DENND5B: variants seen among roughly 807,000 people sequenced by gnomAD.
DENND5B encodes the protein DENN domain-containing protein 5B.
A neutral mutation model predicts 140.6 loss-of-function variants in DENND5B; 34 were observed. That is an observed-to-expected ratio of 0.24 (90% CI 0.18 to 0.32). The LOEUF (loss-of-function observed/expected upper bound fraction) is 0.32. Ranked by LOEUF, DENND5B falls within the 10% of genes least tolerant of loss-of-function variation. DENND5B has a pLI of 1.00. For synonymous variants in DENND5B, 551 were observed against 562.1 expected (o/e 0.98, Z 0.28); for missense variants, 1,142 against 1,560.2 (o/e 0.73, Z 4.52).
chr12:31,546,393 A>G (rs1734113656), intron 1 of DENND5B, among the ~76,000 whole-genome samples: 1 of 152,058 alleles, frequency 6.6e-6, no homozygotes, highest in Non-Finnish European at 1.5e-5. Flanking sequence ...GTGGGAATAA[A>G]GTTTTTATTT....
chr12:31,447,734 C>G lies in DENND5B; in HGVS notation c.1665G>C (p.Leu555=), dbSNP rs1474061340. ...TTTCAATGAAGCGTGAAAGAAATGG[C>G]AGGTAAGGCTCAGGCTGGTCAGACA... ...SFLSDQPEPY[L]PFLSRFIETQ... The change falls in exon 6 of 21, where the codon CTG becomes CTC. Residue 555 remains leucine (L), a synonymous_variant. Coordinates refer to ENST00000389082, the MANE Select transcript of DENND5B (RefSeq NM_144973.4). 3 of 1,607,048 alleles carry G rather than the reference C, an allele frequency of 1.9e-6. No individual in the cohort carries two copies. The highest frequency in any genetic ancestry group is 2.5e-6 in the Non-Finnish European group (3 of 1,176,540).
At chr12:31,566,338 C>CTCTGTG (rs1555174667) in intron 1 of DENND5B, among the ~76,000 whole-genome samples, 1 of 148,496 alleles carries the variant, frequency 6.7e-6, no homozygotes, top group African/African-American at 2.5e-5. Context: ...CTCTTAAAAA[C>CTCTGTG]TGTGTGTGTG....
chr12:31,448,897 C>T (rs1295958736), intron 5 of DENND5B, among the ~76,000 whole-genome samples: 1 of 152,178 alleles, frequency 6.6e-6, no homozygotes, highest in Non-Finnish European at 1.5e-5. Context: ...CCATCAGAAG[C>T]AAGCCTTTGG....
chr12:31,392,504 T>A (rs1593039738), intron 18 of DENND5B, 110 bp downstream of exon 18: 2 of 1,542,760 alleles, frequency 1.3e-6, no homozygotes, highest in East Asian at 4.6e-5. Flanking sequence ...TTTTTACAGC[T>A]ACCAGAAAGC....
At chr12:31,461,629 G>A (rs1591835128) in intron 3 of DENND5B, among the ~76,000 whole-genome samples, 2 of 152,262 alleles carry the variant, frequency 1.3e-5, no homozygotes, top group East Asian at 1.9e-4. Context: ...TATTTCTGCA[G>A]CAAACCATAT....
rs376190648 is a variant in DENND5B at position 31,387,373 on chromosome 12, T to C, written c.*230A>G. 58 of 395,916 alleles carry C rather than the reference T, an allele frequency of 1.5e-4. 1 individual carries two copies. Among genetic ancestry groups the C allele is most frequent in the East Asian group, 1.0e-3 (27 of 26,124 alleles). 24.5% of individuals were successfully genotyped at this position (395,916 alleles called of 1,614,324 possible). A position where few individuals can be genotyped will look rare whatever the true frequency, so the allele number is the denominator to read the frequency against. On this transcript the variant is annotated 3_prime_UTR_variant, in exon 21 of 21. Coordinates refer to ENST00000389082, the MANE Select transcript of DENND5B (RefSeq NM_144973.4). ...GAGTAATATAATTTCTTAAAGAAGA[T>C]AGCATATTTACACACATCTAACACA...
intron 11 of DENND5B, among the ~76,000 whole-genome samples, chr12:31,422,876 C>G (rs1943088999): frequency 6.6e-6 from 1 of 151,952 alleles, no homozygotes; most frequent in African/African-American, 2.4e-5. Flanking sequence ...AGATTCAACT[C>G]CTGAAATTTT....
chr12:31,566,601 T>C (rs1405969606), intron 1 of DENND5B, among the ~76,000 whole-genome samples: 1 of 152,000 alleles, frequency 6.6e-6, no homozygotes, highest in African/African-American at 2.4e-5. Flanking sequence ...GGACCAGGTA[T>C]CTACAATAAT....
chr12:31,479,282 T>C (rs924488546), intron 3 of DENND5B, among the ~76,000 whole-genome samples: 1 of 152,132 alleles, frequency 6.6e-6, no homozygotes, highest in Admixed American at 6.6e-5. Context: ...GAAGAAAAAA[T>C]GTTTTCTTAA....
In DENND5B at chr12:31,591,023, TCGCGCGCGGC is replaced by T; in HGVS notation, c.-201_-192del. 1.9e-6 allele frequency: 1 copy of T among 517,124 alleles called. No individual in the cohort carries two copies. The highest frequency in any genetic ancestry group is 2.5e-6 in the Non-Finnish European group (1 of 401,494). The allele number at this position is 517,124 out of a possible 1,614,324, so 32.0% of individuals were successfully genotyped here. On this transcript the variant is annotated 5_prime_UTR_variant, in exon 1 of 21. Transcript: ENST00000389082. ...CGGCGCGGGGGAAGCGGCCGCGGGC[TCGCGCGCGGC>T]GGGTCCGGAGCCCGGCCGGGTGGGG... is the stretch of plus-strand genomic sequence containing the variant.
chr12:31,505,376 C>G lies in DENND5B; in HGVS notation c.128-9457G>C, dbSNP rs113958194. Among the ~76,000 whole-genome samples, 177 of 151,758 alleles carry G rather than the reference C, an allele frequency of 1.2e-3. 2 individuals carry two copies. Among genetic ancestry groups the G allele is most frequent in the African/African-American group, 4.2e-3 (175 of 41,340 alleles). On this transcript the variant is annotated intron_variant, in intron 1 of 20. Coordinates refer to ENST00000389082, the MANE Select transcript of DENND5B (RefSeq NM_144973.4). The stretch of plus-strand genomic sequence containing the variant: ...GCCTCAGCCTCCCAAGTAGCTGGGA[C>G]TACAGGTGTGCTACCATGCCCAGCT...
At chr12:31,555,516 G>C (rs1949247926) in intron 1 of DENND5B, among the ~76,000 whole-genome samples, 1 of 151,952 alleles carries the variant, frequency 6.6e-6, no homozygotes. Context: ...CCCACTTGAG[G>C]AGGCAGTCTG....
chr12:31,491,578 T>C (rs554068071), intron 2 of DENND5B, among the ~76,000 whole-genome samples: 30 of 152,114 alleles, frequency 2.0e-4, no homozygotes, highest in African/African-American at 5.1e-4. Flanking sequence ...GGAAAGGAAA[T>C]GTAGAGCTCT....
chr12:31,451,600 G>C, intron 5 of DENND5B: 1 of 264,292 alleles, frequency 3.8e-6, no homozygotes. Flanking sequence ...TGGGATTACA[G>C]GCATGAGCCA....
chr12:31,577,704 C>G (rs1260051517), intron 1 of DENND5B, among the ~76,000 whole-genome samples: 1 of 93,876 alleles, frequency 1.1e-5, no homozygotes, highest in African/African-American at 4.9e-5. Context: ...GAACGAGACT[C>G]TGTCTCAAAA....
At chr12:31,557,184 T>C (rs942128111) in intron 1 of DENND5B, among the ~76,000 whole-genome samples, 1 of 152,060 alleles carries the variant, frequency 6.6e-6, no homozygotes, top group Non-Finnish European at 1.5e-5. Flanking sequence ...AATATTAAAA[T>C]CAAACAATAT....
At chr12:31,412,249 C>T (rs533025676) in intron 13 of DENND5B, among the ~76,000 whole-genome samples, 12 of 152,164 alleles carry the variant, frequency 7.9e-5, no homozygotes, top group Admixed American at 6.6e-4. Flanking sequence ...CACCTGACCT[C>T]GAAGAGGGTT....
At chr12:31,508,555 G>T (rs915616530) in intron 1 of DENND5B, among the ~76,000 whole-genome samples, 2 of 152,110 alleles carry the variant, frequency 1.3e-5, no homozygotes, top group Non-Finnish European at 2.9e-5. Flanking sequence ...TGTTAGAAAC[G>T]AGACTCACTG....
chr12:31,469,622 C>G (rs1945448436), intron 3 of DENND5B, among the ~76,000 whole-genome samples: 1 of 152,054 alleles, frequency 6.6e-6, no homozygotes, highest in East Asian at 1.9e-4. Flanking sequence ...TTGTAGTCAT[C>G]CAAGAAAAAA....
Sources: allele counts gnomAD v4.1 joint callset (sites outside exome capture counted in the v4.1 genomes callset), GRCh38; gene constraint gnomAD v4.1.1; transcripts MANE v1.5; gene names NCBI Gene and HGNC (gene_info 2026-07-23, HGNC 2026-07-21).